The following NEDD4L variants were observed in gnomAD, a reference collection of about 807,000 sequenced individuals.
NEDD4L encodes the protein E3 ubiquitin-protein ligase NEDD4-like.
Under a neutral mutation model 148.9 loss-of-function variants are expected in NEDD4L, and 54 were observed. That is an observed-to-expected ratio of 0.36 (90% confidence interval 0.29 to 0.45). NEDD4L has a LOEUF of 0.45. Among genes scored for constraint, NEDD4L ranks in the 20% least tolerant of loss-of-function variants. The pLI is 1.00. For missense variants in NEDD4L, 856 were observed against 1,233.8 expected (o/e 0.69, Z 4.59); for synonymous variants, 433 against 440.7 (o/e 0.98, Z 0.22).
intron 5 of NEDD4L, among the ~76,000 whole-genome samples, chr18:58,293,564 A>G (rs909090851): frequency 6.6e-6 from 1 of 152,240 alleles, no homozygotes; most frequent in Non-Finnish European, 1.5e-5. Context: ...CGCTATGATC[A>G]TGTAATAATA....
intron 2 of NEDD4L, among the ~76,000 whole-genome samples, chr18:58,202,509 G>T (rs1176327936): frequency 1.3e-5 from 2 of 152,242 alleles, no homozygotes; most frequent in African/African-American, 4.8e-5. Flanking sequence ...TTGGAGAAGC[G>T]CTGGACTGGT....
intron 5 of NEDD4L, among the ~76,000 whole-genome samples, chr18:58,313,540 T>G (rs2057931452): frequency 6.6e-6 from 1 of 152,234 alleles, no homozygotes; most frequent in Admixed American, 6.5e-5. Flanking sequence ...ACCGCCTTGC[T>G]TTCCTGCCAG....
chr18:58,163,205 C>T (rs181008971), intron 1 of NEDD4L, among the ~76,000 whole-genome samples: 8 of 152,280 alleles, frequency 5.3e-5, no homozygotes, highest in East Asian at 1.9e-4. Flanking sequence ...AGCACCTCCC[C>T]GAGTAAGTGG....
chr18:58,240,280 G>A (rs1042232145), intron 2 of NEDD4L, among the ~76,000 whole-genome samples: 2 of 152,102 alleles, frequency 1.3e-5, no homozygotes, highest in African/African-American at 4.8e-5. Flanking sequence ...TGTTTACTCA[G>A]TGAAAAATAC....
rs571133838 is a variant in NEDD4L at position 58,232,688 on chromosome 18, G to T, written c.123-12739G>T. Among the ~76,000 whole-genome samples the T allele has an allele frequency of 7.9e-5, 12 of 152,286 alleles. No individual in the cohort carries two copies. In the East Asian group the frequency reaches 2.3e-3, roughly 29 times the overall value. On this transcript the variant is annotated intron_variant, in intron 2 of 30. Coordinates refer to ENST00000400345, the MANE Select transcript of NEDD4L (RefSeq NM_001144967.3). ...TTTTTCTTTCTGTGATCACACAATTGTTTTATCCTCGCTTAAAAAATTTCA... is the reference window on the plus strand; with the variant it reads ...TTTTTCTTTCTGTGATCACACAATTTTTTTATCCTCGCTTAAAAAATTTCA...
At chr18:58,078,889 C>T (rs908579456) in intron 1 of NEDD4L, among the ~76,000 whole-genome samples, 4 of 151,988 alleles carry the variant, frequency 2.6e-5, no homozygotes, top group Non-Finnish European at 4.4e-5. Flanking sequence ...TTGCAATGGG[C>T]GGAACTGGGC....
intron 5 of NEDD4L, among the ~76,000 whole-genome samples, chr18:58,289,265 T>C (rs2054361659): frequency 1.3e-5 from 2 of 152,126 alleles, no homozygotes; most frequent in Non-Finnish European, 1.5e-5. Flanking sequence ...CTTTAAACTT[T>C]TTGTTGCGTG....
chr18:58,267,800 C>T (rs1373376206), intron 5 of NEDD4L, among the ~76,000 whole-genome samples: 2 of 152,016 alleles, frequency 1.3e-5, no homozygotes, highest in Admixed American at 6.6e-5. Context: ...TATTATAAGG[C>T]GTATTGTCCA....
At chr18:58,283,716 C>G (rs1298241929) in intron 5 of NEDD4L, among the ~76,000 whole-genome samples, 2 of 151,014 alleles carry the variant, frequency 1.3e-5, no homozygotes, top group Non-Finnish European at 3.0e-5. Context: ...CTTACCTCGT[C>G]ACTTCATTAT....
At chr18:58,263,730 G>A (rs1218333168) in intron 5 of NEDD4L, among the ~76,000 whole-genome samples, 2 of 140,736 alleles carry the variant, frequency 1.4e-5, no homozygotes, top group Non-Finnish European at 3.0e-5. Flanking sequence ...CCTCATGAAG[G>A]AAAACAACTG....
intron 5 of NEDD4L, among the ~76,000 whole-genome samples, chr18:58,315,612 G>T (rs1204100092): frequency 1.3e-5 from 2 of 152,062 alleles, no homozygotes; most frequent in East Asian, 3.9e-4. Context: ...TTTAGCATTG[G>T]ATCAGTAAAC....
Position 58,287,801 on chromosome 18 carries a change from CTG to C in NEDD4L, c.298-28175_298-28174del, listed in dbSNP as rs1214143475. ...TTGTGAGTTGCACGTGTGCGCGAGC[CTG>C]TGTGTTTTGCTTGGAGGAATAGTGA... is the stretch of plus-strand genomic sequence containing the variant. On this transcript the variant is annotated intron_variant, in intron 5 of 30. Transcript: ENST00000400345. Among the ~76,000 whole-genome samples the C allele has an allele frequency of 8.5e-5, 13 of 152,150 alleles. No individual in the cohort carries two copies. In the East Asian group the frequency reaches 1.9e-3, roughly 23 times the overall value.
At chr18:58,243,688 C>G (rs1255081186) in intron 2 of NEDD4L, among the ~76,000 whole-genome samples, 2 of 152,152 alleles carry the variant, frequency 1.3e-5, no homozygotes, top group African/African-American at 4.8e-5. Flanking sequence ...GGGCTAGGTG[C>G]CGGCTCTTGA....
intron 2 of NEDD4L, among the ~76,000 whole-genome samples, chr18:58,222,914 A>G (rs941687195): frequency 3.6e-4 from 55 of 152,238 alleles, no homozygotes; most frequent in African/African-American, 1.2e-3. Context: ...AACAAAAGGA[A>G]GCAAATAACT....
At chr18:58,111,186 G>T (rs1239864314) in intron 1 of NEDD4L, among the ~76,000 whole-genome samples, 1 of 152,160 alleles carries the variant, frequency 6.6e-6, no homozygotes, top group Non-Finnish European at 1.5e-5. Flanking sequence ...TCCTGGCTCA[G>T]CCTCCCAGGT....
chr18:58,282,583 A>G (rs2053305130), intron 5 of NEDD4L, among the ~76,000 whole-genome samples: 1 of 152,228 alleles, frequency 6.6e-6, no homozygotes. Context: ...ATGTCAGTGA[A>G]TTGGCCTGAC....
At chr18:58,067,432 G>C (rs189730985) in intron 1 of NEDD4L, among the ~76,000 whole-genome samples, 62 of 152,276 alleles carry the variant, frequency 4.1e-4, no homozygotes, top group Middle Eastern at 3.4e-3. Flanking sequence ...CGTTTAAGGG[G>C]TTATCAGGGA....
chr18:58,180,200 G>A (rs1028990795), intron 2 of NEDD4L, among the ~76,000 whole-genome samples: 12 of 152,320 alleles, frequency 7.9e-5, no homozygotes, highest in South Asian at 2.1e-4. Context: ...GCCGCGGTGC[G>A]CTCTTCCTCC....
intron 1 of NEDD4L, among the ~76,000 whole-genome samples, chr18:58,124,429 T>C (rs967826727): frequency 6.6e-6 from 1 of 152,238 alleles, no homozygotes; most frequent in Non-Finnish European, 1.5e-5. Context: ...TGGCTACTCC[T>C]CTGCTTCTCC....
Sources: gnomAD v4.1 joint callset for allele counts (sites outside exome capture counted in the v4.1 genomes callset) on GRCh38, gnomAD v4.1.1 for gene constraint, MANE v1.5 for transcripts, NCBI Gene and HGNC (gene_info 2026-07-23, HGNC 2026-07-21) for gene names.